The following DNAH14 variants were observed in gnomAD, a reference collection of about 807,000 sequenced individuals.
DNAH14 encodes the protein dynein axonemal heavy chain 14.
A neutral mutation model predicts 520.9 loss-of-function variants in DNAH14; 478 were observed. The ratio of observed to expected loss-of-function variants is 0.92; its 90% CI spans 0.85 to 0.99. The LOEUF (loss-of-function observed/expected upper bound fraction) is 0.99. DNAH14 is among the 50% of genes least tolerant of loss of function. The pLI is 0.00. For missense variants in DNAH14, 4,831 were observed against 5,234.5 expected (o/e 0.92, Z 2.38); for synonymous variants, 1,581 against 1,757.2 (o/e 0.90, Z 2.51).
intron 11 of DNAH14, among the ~76,000 whole-genome samples, chr1:225,035,255 A>G (rs2066866276): frequency 6.6e-6 from 1 of 151,140 alleles, no homozygotes; most frequent in African/African-American, 2.4e-5. Context: ...TATCGGTTGT[A>G]ATGTCTCCTT....
At chr1:225,103,843 C>T (rs61849811) in intron 23 of DNAH14, among the ~76,000 whole-genome samples, 50 of 152,124 alleles carry the variant, frequency 3.3e-4, no homozygotes, top group African/African-American at 1.2e-3. Context: ...CAAACAGGGA[C>T]AATTTGACTT....
chr1:225,385,721 C>T (rs576362183), intron 81 of DNAH14, among the ~76,000 whole-genome samples: 1 of 152,180 alleles, frequency 6.6e-6, no homozygotes, highest in African/African-American at 2.4e-5. Context: ...TGCTCAACAA[C>T]ATAAAAGAGG....
In DNAH14 at chr1:225,145,337, A is replaced by G; in HGVS notation, c.4752A>G (p.Lys1584=). ...TVKDLAKSLG[K]HCVVFNCFED... ...TTTTTGTTTCCCAGTCCTTAGGCAA[A>G]CATTGTGTGGTCTTCAACTGTTTTG... Residue 1584 remains lysine, a synonymous_variant, in exon 30 of 86, where the codon AAA becomes AAG. Transcript: ENST00000682510. 1 of 1,545,820 alleles carries G rather than the reference A, an allele frequency of 6.5e-7. No homozygotes were observed. Among genetic ancestry groups the G allele is most frequent in the East Asian group, 2.5e-5 (1 of 40,654 alleles).
Position 225,374,735 on chromosome 1 carries a change from T to C in DNAH14, c.12366T>C (p.Ile4122=), listed in dbSNP as rs2095674312. The change falls in exon 78 of 86, where the codon ATT becomes ATC. Residue 4122 remains isoleucine, a synonymous_variant. Transcript: ENST00000682510. The part of the protein sequence containing the change: ...LENSLRGQPS[I]SWQALRYLIG... The stretch of plus-strand genomic sequence containing the variant: ...ATTCCCTGAGAGGACAGCCCAGCAT[T>C]TCGTGGCAAGCACTGCGCTACCTGA... The C allele has an allele frequency of 6.4e-7, 1 of 1,550,900 alleles. No homozygotes were observed. Among genetic ancestry groups the C allele is most frequent in the African/African-American group, 1.4e-5 (1 of 72,994 alleles).
intron 43 of DNAH14, among the ~76,000 whole-genome samples, chr1:225,249,649 T>C (rs78545886): frequency 0.049 from 7,482 of 152,256 alleles, 562 homozygotes; most frequent in African/African-American, 0.16. Context: ...TATGTATCAA[T>C]GATTTTTTAG....
intron 83 of DNAH14, among the ~76,000 whole-genome samples, chr1:225,391,151 C>T (rs2095906127): frequency 1.3e-5 from 2 of 152,182 alleles, no homozygotes; most frequent in Non-Finnish European, 2.9e-5. Context: ...CGGCTGGCCC[C>T]CAGGGCTGTG....
At chr1:225,018,244 C>G (rs2065373423) in intron 10 of DNAH14, among the ~76,000 whole-genome samples, 1 of 152,116 alleles carries the variant, frequency 6.6e-6, no homozygotes, top group Non-Finnish European at 1.5e-5. Flanking sequence ...GCAAAATTAA[C>G]TACAAGAATT....
At chr1:225,301,608 G>A (rs758881627) in intron 56 of DNAH14, among the ~76,000 whole-genome samples, 5 of 152,166 alleles carry the variant, frequency 3.3e-5, no homozygotes, top group Non-Finnish European at 7.4e-5. Flanking sequence ...TGACCGACCA[G>A]TGGCTTAGCA....
At chr1:224,945,364 C>G (rs893433361) in intron 1 of DNAH14, among the ~76,000 whole-genome samples, 3 of 152,150 alleles carry the variant, frequency 2.0e-5, no homozygotes, top group Admixed American at 6.5e-5. Context: ...AAGGACTTCT[C>G]TGCATTGGTT....
intron 45 of DNAH14, 93 bp from the exon 46 acceptor site, chr1:225,259,028 C>A: frequency 7.7e-7 from 1 of 1,300,142 alleles, no homozygotes. Context: ...ATGCAATTTT[C>A]AATTGAGGGA....
At chr1:225,057,090 G>C (rs571315027) in intron 17 of DNAH14, among the ~76,000 whole-genome samples, 1 of 152,178 alleles carries the variant, frequency 6.6e-6, no homozygotes, top group Non-Finnish European at 1.5e-5. Flanking sequence ...TAGCTTGATG[G>C]GGATGGCATT....
chr1:225,174,748 C>T (rs984597261), intron 36 of DNAH14, among the ~76,000 whole-genome samples: 2 of 152,094 alleles, frequency 1.3e-5, no homozygotes, highest in Non-Finnish European at 2.9e-5. Flanking sequence ...TTCATCTTGT[C>T]CCAGATCTTA....
intron 35 of DNAH14, among the ~76,000 whole-genome samples, chr1:225,161,810 G>A (rs2081545792): frequency 6.6e-6 from 1 of 152,124 alleles, no homozygotes; most frequent in Non-Finnish European, 1.5e-5. Context: ...GTCTTCTTTT[G>A]AGGAATGTCT....
intron 8 of DNAH14, 59 bp from the exon 9 acceptor site, chr1:225,002,724 A>C: frequency 2.8e-6 from 4 of 1,451,858 alleles, no homozygotes; most frequent in Non-Finnish European, 3.8e-6. Flanking sequence ...ACTTACCTCT[A>C]AATTAATTTT....
chr1:224,964,434 C>G, intron 4 of DNAH14, 45 bp from the exon 5 acceptor site: 1 of 1,553,680 alleles, frequency 6.4e-7, no homozygotes, highest in Non-Finnish European at 8.7e-7. Flanking sequence ...TTAAGTGATG[C>G]CCACATTTGC....
At chr1:225,246,788 A>C (rs2092309372) in intron 43 of DNAH14, among the ~76,000 whole-genome samples, 1 of 152,204 alleles carries the variant, frequency 6.6e-6, no homozygotes, top group Non-Finnish European at 1.5e-5. Context: ...GTGGGAGTGT[A>C]AATTAGCTCA....
intron 16 of DNAH14, 77 bp downstream of exon 16, chr1:225,050,453 A>G: frequency 2.1e-6 from 3 of 1,413,240 alleles, no homozygotes; most frequent in Non-Finnish European, 2.8e-6. Context: ...AAATGAATTT[A>G]TTGAAAAATT....
chr1:225,260,214 T>G (rs928500089), intron 46 of DNAH14, among the ~76,000 whole-genome samples: 1 of 152,046 alleles, frequency 6.6e-6, no homozygotes, highest in African/African-American at 2.4e-5. Flanking sequence ...TAGCTGGATG[T>G]GGTGGCAGGT....
At chr1:225,169,863 CAG>C (rs1559164657) in intron 36 of DNAH14, among the ~76,000 whole-genome samples, 2 of 152,102 alleles carry the variant, frequency 1.3e-5, no homozygotes, top group East Asian at 3.9e-4. Flanking sequence ...TAAGGGCAGC[CAG>C]AGAGAAAGGT....
Sources: allele counts gnomAD v4.1 joint callset (sites outside exome capture counted in the v4.1 genomes callset), GRCh38; gene constraint gnomAD v4.1.1; transcripts MANE v1.5; gene names NCBI Gene and HGNC (gene_info 2026-07-23, HGNC 2026-07-21).